The following MEGF10 variants were observed in gnomAD, a reference collection of about 807,000 sequenced individuals.
MEGF10 encodes the protein multiple EGF like domains 10, also known as multiple epidermal growth factor-like domains protein 10.
MEGF10 carries 86 observed loss-of-function variants against 147.5 expected under a neutral mutation model. That is an observed-to-expected ratio of 0.58 (90% CI 0.49 to 0.70). The LOEUF (loss-of-function observed/expected upper bound fraction) is 0.70, where lower values mean the gene tolerates loss of function less well. Among genes scored for constraint, MEGF10 ranks in the 30% least tolerant of loss-of-function variants. MEGF10 has a pLI of 0.00. For missense variants in MEGF10, 1,329 were observed against 1,487.3 expected, an observed-to-expected ratio of 0.89 and a Z score of 1.75; for synonymous variants, 478 against 525.5, an observed-to-expected ratio of 0.91 and a Z score of 1.24.
At chr5:127,235,698 C>A in the MEGF10 span, among the ~76,000 whole-genome samples, 3 of 152,138 alleles carry the variant, frequency 2.0e-5, no homozygotes, top group Non-Finnish European at 4.4e-5. Context: ...GATTTTGGTA[C>A]CTGCACCAAA....
chr5:127,318,712 C>T (rs1197098801), intron 1 of MEGF10, among the ~76,000 whole-genome samples: 2 of 152,050 alleles, frequency 1.3e-5, no homozygotes, highest in Non-Finnish European at 2.9e-5. Context: ...GCAGATCAAA[C>T]GTAATTGGCT....
At chr5:127,456,415 A>G (rs11750372) in intron 24 of MEGF10, among the ~76,000 whole-genome samples, 4,938 of 152,032 alleles carry the variant, frequency 0.032, 84 homozygotes, top group Middle Eastern at 0.051. Context: ...AGGGCTATAT[A>G]TTTTCATTTC....
At chr5:127,354,782 T>C (rs1469904257) in intron 4 of MEGF10, among the ~76,000 whole-genome samples, 1 of 152,214 alleles carries the variant, frequency 6.6e-6, no homozygotes, top group Non-Finnish European at 1.5e-5. Flanking sequence ...CTTTGTGAGC[T>C]GGAATATTTG....
intron 9 of MEGF10, 101 bp downstream of exon 9, chr5:127,410,702 G>C: frequency 9.5e-7 from 1 of 1,048,256 alleles, no homozygotes; most frequent in Non-Finnish European, 1.4e-6. Flanking sequence ...CTCACCCCAA[G>C]CCCCCTCCTG....
the MEGF10 span, among the ~76,000 whole-genome samples, chr5:127,246,511 G>A: frequency 6.6e-6 from 1 of 151,676 alleles, no homozygotes; most frequent in Non-Finnish European, 1.5e-5. Flanking sequence ...GTAGATGATG[G>A]GTTGATGGGT....
intron 8 of MEGF10, chr5:127,409,449 A>G (rs753158580): frequency 6.6e-6 from 1 of 152,190 alleles, no homozygotes; most frequent in African/African-American, 2.4e-5. Context: ...AGAGCCAGTC[A>G]CCTGGCCTAG....
the MEGF10 span, among the ~76,000 whole-genome samples, chr5:127,246,474 G>A: frequency 4.6e-5 from 7 of 152,066 alleles, no homozygotes; most frequent in East Asian, 1.4e-3. Context: ...AGCAAGGGGA[G>A]GGATAGCATT....
chr5:127,381,033 G>A (rs965782998), intron 5 of MEGF10, among the ~76,000 whole-genome samples: 20 of 152,164 alleles, frequency 1.3e-4, no homozygotes, highest in Admixed American at 2.0e-4. Context: ...TGAAATGGTG[G>A]CCCCATGACT....
At chr5:127,237,601 T>C in the MEGF10 span, among the ~76,000 whole-genome samples, 1 of 152,158 alleles carries the variant, frequency 6.6e-6, no homozygotes, top group Non-Finnish European at 1.5e-5. Flanking sequence ...GTTTTGGGTA[T>C]GGGTAGGTAG....
intron 22 of MEGF10, among the ~76,000 whole-genome samples, chr5:127,452,727 G>A (rs1009273136): frequency 1.2e-4 from 18 of 152,132 alleles, no homozygotes; most frequent in East Asian, 7.7e-4. Context: ...CTGGGCCTCC[G>A]GGTGAACAAA....
intron 5 of MEGF10, among the ~76,000 whole-genome samples, chr5:127,388,707 G>A (rs954575957): frequency 2.6e-5 from 4 of 151,170 alleles, no homozygotes; most frequent in East Asian, 1.9e-4. Context: ...CACCATGCCC[G>A]GCTAATTTTT....
intron 1 of MEGF10, among the ~76,000 whole-genome samples, chr5:127,299,663 G>C (rs1033191122): frequency 5.3e-5 from 8 of 152,034 alleles, no homozygotes; most frequent in Non-Finnish European, 7.4e-5. Context: ...TTCAGCCTTT[G>C]CCTCTGGGTT....
chr5:127,421,321 C>T (rs1006941611), intron 12 of MEGF10, among the ~76,000 whole-genome samples: 7 of 152,314 alleles, frequency 4.6e-5, no homozygotes, highest in Admixed American at 3.9e-4. Flanking sequence ...GTGGGGTCTA[C>T]AAAATGATTG....
chr5:127,275,962 T>C, the MEGF10 span, among the ~76,000 whole-genome samples: 1 of 152,208 alleles, frequency 6.6e-6, no homozygotes, highest in Admixed American at 6.5e-5. Flanking sequence ...CATCATCTAA[T>C]CTAGCAGAGC....
At chr5:127,272,300 TGTACCA>T in the MEGF10 span, among the ~76,000 whole-genome samples, 1 of 152,216 alleles carries the variant, frequency 6.6e-6, no homozygotes, top group African/African-American at 2.4e-5. Flanking sequence ...TGTCTGTTCT[TGTACCA>T]GTACCAGTAC....
In MEGF10 at chr5:127,459,522, G is replaced by A. The variant is rs563074948; in HGVS notation, c.*2204G>A. The A allele has an allele frequency of 2.0e-5, 3 of 152,128 alleles. No individual in the cohort carries two copies. In the South Asian group the frequency reaches 6.2e-4, roughly 32 times the overall value. The allele number at this position is 152,128 out of a possible 1,614,324, so 9.4% of individuals were successfully genotyped here. ...AAGATCATCTCTTCAGAGCTGCATGGTAAATTTGAATTTCCCCATTGTTCT... is the reference window on the plus strand; with the variant it reads ...AAGATCATCTCTTCAGAGCTGCATGATAAATTTGAATTTCCCCATTGTTCT... On this transcript the variant is annotated 3_prime_UTR_variant, in exon 25 of 25. Transcript: ENST00000503335.
chr5:127,421,758 T>A (rs1022088108), intron 12 of MEGF10, among the ~76,000 whole-genome samples: 4 of 152,100 alleles, frequency 2.6e-5, no homozygotes, highest in Admixed American at 2.0e-4. Context: ...CATTTTTCTT[T>A]ATAGTACCAT....
chr5:127,274,029 C>G, the MEGF10 span, among the ~76,000 whole-genome samples: 8 of 152,162 alleles, frequency 5.3e-5, no homozygotes, highest in African/African-American at 7.2e-5. Flanking sequence ...GAAAATTCCA[C>G]TGGACAGCTC....
chr5:127,269,283 C>G, the MEGF10 span, among the ~76,000 whole-genome samples: 2 of 152,190 alleles, frequency 1.3e-5, no homozygotes, highest in African/African-American at 2.4e-5. Flanking sequence ...GACGATCAAA[C>G]TACTCCGAGC....
Sources: gnomAD v4.1 joint callset for allele counts (sites outside exome capture counted in the v4.1 genomes callset) on GRCh38, gnomAD v4.1.1 for gene constraint, MANE v1.5 for transcripts, NCBI Gene and HGNC (gene_info 2026-07-23, HGNC 2026-07-21) for gene names.